The following PALD1 variants were observed in gnomAD, a reference collection of about 807,000 sequenced individuals.
PALD1 encodes phosphatase domain containing paladin 1.
PALD1 carries 57 observed loss-of-function variants against 96.0 expected under a neutral mutation model. The ratio of observed to expected loss-of-function variants is 0.59; its 90% CI spans 0.48 to 0.74. The LOEUF (loss-of-function observed/expected upper bound fraction) is 0.74, where lower values mean the gene tolerates loss of function less well. PALD1 is among the 30% of genes least tolerant of loss of function. The pLI is 0.00. For missense variants in PALD1, 1,063 were observed against 1,143.7 expected, an observed-to-expected ratio of 0.93 and a Z score of 1.02; for synonymous variants, 464 against 473.6, an observed-to-expected ratio of 0.98 and a Z score of 0.26.
chr10:70,552,899 C>G (rs1201261939), intron 18 of PALD1, among the ~76,000 whole-genome samples: 1 of 152,132 alleles, frequency 6.6e-6, no homozygotes, highest in Non-Finnish European at 1.5e-5. Flanking sequence ...CCTTTTCCCC[C>G]CTGAAATATA....
chr10:70,509,650 G>A (rs546480449), intron 1 of PALD1, among the ~76,000 whole-genome samples: 31 of 152,346 alleles, frequency 2.0e-4, no homozygotes, highest in African/African-American at 6.5e-4. Flanking sequence ...TGTACTGAAG[G>A]GGGTGAGGGT....
chr10:70,488,235 C>G (rs900204920), intron 1 of PALD1, among the ~76,000 whole-genome samples: 2 of 152,146 alleles, frequency 1.3e-5, no homozygotes, highest in Admixed American at 6.6e-5. Context: ...ATCCTCCCAC[C>G]TCAGCCTTCT....
intron 1 of PALD1, among the ~76,000 whole-genome samples, chr10:70,489,786 G>A (rs1438367937): frequency 6.6e-6 from 1 of 152,112 alleles, no homozygotes; most frequent in East Asian, 1.9e-4. Flanking sequence ...AACCTCAAAA[G>A]ATACCCCAGT....
chr10:70,469,791 C>T, the PALD1 span, among the ~76,000 whole-genome samples: 2 of 151,964 alleles, frequency 1.3e-5, no homozygotes, highest in South Asian at 4.2e-4. Flanking sequence ...TCTTAGAGTC[C>T]GTTTCTTTTT....
intron 1 of PALD1, among the ~76,000 whole-genome samples, chr10:70,505,790 G>A (rs966825377): frequency 6.6e-6 from 1 of 152,064 alleles, no homozygotes; most frequent in East Asian, 1.9e-4. Context: ...GGAGGCTGAG[G>A]TGGGCGGGTC....
At chr10:70,492,300 T>C (rs1589171968) in intron 1 of PALD1, among the ~76,000 whole-genome samples, 1 of 152,280 alleles carries the variant, frequency 6.6e-6, no homozygotes, top group East Asian at 1.9e-4. Flanking sequence ...AATGGGTTTA[T>C]CTGCGTATAA....
At chr10:70,552,338 G>A (rs964651713) in intron 18 of PALD1, among the ~76,000 whole-genome samples, 19 of 152,110 alleles carry the variant, frequency 1.2e-4, no homozygotes, top group South Asian at 2.1e-4. Context: ...CTTTCCTGTC[G>A]TCTTCTGGGA....
chr10:70,533,813 C>T (rs1269494902), intron 7 of PALD1, 109 bp from the exon 8 acceptor site: 9 of 1,052,256 alleles, frequency 8.6e-6, no homozygotes, highest in Non-Finnish European at 1.2e-5. Flanking sequence ...GCCCACTTTG[C>T]TGCAGACTGT....
chr10:70,539,220 G>GC lies in PALD1; in HGVS notation c.1703dup (p.Val569CysfsTer4), dbSNP rs1564703695. On this transcript the variant is annotated frameshift_variant, in exon 14 of 20. Coordinates refer to ENST00000263563, the MANE Select transcript of PALD1 (RefSeq NM_014431.3). LOFTEE classifies it high-confidence loss of function. This position sits in a 1 kb window ranked among gnomAD's most constrained non-coding sequence, Gnocchi z 4.5. ...ACACCTACAGCCTGCGGTGGCCTGG[G>GC]CCCCCTGTGGCTCCTGACCAGCTGG... 1 of 1,611,518 alleles carries GC rather than the reference G, an allele frequency of 6.2e-7. No homozygotes were observed. The highest frequency in any genetic ancestry group is 2.2e-5 in the East Asian group (1 of 44,814).
chr10:70,497,788 G>A (rs2132285104), intron 1 of PALD1, among the ~76,000 whole-genome samples: 1 of 152,170 alleles, frequency 6.6e-6, no homozygotes, highest in South Asian at 2.1e-4. Flanking sequence ...TGTTAACCAG[G>A]ATGGTCTTGA....
intron 1 of PALD1, among the ~76,000 whole-genome samples, chr10:70,515,832 G>A (rs1589189860): frequency 6.6e-6 from 1 of 152,278 alleles, no homozygotes; most frequent in East Asian, 1.9e-4. Context: ...CTGGTGTCCT[G>A]CCCAGAGCCC....
intron 8 of PALD1, 89 bp from the exon 9 acceptor site, chr10:70,534,336 C>A: frequency 1.1e-6 from 1 of 893,832 alleles, no homozygotes; most frequent in South Asian, 1.5e-5. Flanking sequence ...TCTGGTGTCC[C>A]CCAGCGGCCA....
intron 1 of PALD1, among the ~76,000 whole-genome samples, chr10:70,525,012 A>T (rs1471841777): frequency 4.0e-5 from 6 of 151,676 alleles, no homozygotes; most frequent in Non-Finnish European, 8.8e-5. Flanking sequence ...TTTATTTTTT[A>T]TTTTTTTGAG....
chr10:70,463,165 G>C, the PALD1 span, among the ~76,000 whole-genome samples: 1 of 152,156 alleles, frequency 6.6e-6, no homozygotes, highest in Non-Finnish European at 1.5e-5. Context: ...AGCACTTTGG[G>C]AGGCCAAGGC....
intron 18 of PALD1, among the ~76,000 whole-genome samples, chr10:70,554,218 C>T (rs1032424401): frequency 1.2e-4 from 18 of 152,146 alleles, no homozygotes; most frequent in South Asian, 8.3e-4. Flanking sequence ...CACCTGAGGT[C>T]GGGAGTTCAA....
At chr10:70,512,725 A>G (rs1846537130) in intron 1 of PALD1, among the ~76,000 whole-genome samples, 1 of 152,208 alleles carries the variant, frequency 6.6e-6, no homozygotes, top group Non-Finnish European at 1.5e-5. Context: ...CCACCCCAGG[A>G]CAGGGTTAGA....
intron 1 of PALD1, among the ~76,000 whole-genome samples, chr10:70,505,925 G>A (rs1216519419): frequency 6.6e-6 from 1 of 152,120 alleles, no homozygotes. Context: ...GGAGGCTGAG[G>A]TGGTGGGAGG....
At chr10:70,548,551 G>A (rs1201672578) in intron 18 of PALD1, among the ~76,000 whole-genome samples, 1 of 152,188 alleles carries the variant, frequency 6.6e-6, no homozygotes, top group Non-Finnish European at 1.5e-5. Context: ...CTGGAACAGA[G>A]GCCGGTGCTG....
At chr10:70,491,141 T>G (rs1315915971) in intron 1 of PALD1, among the ~76,000 whole-genome samples, 1 of 152,150 alleles carries the variant, frequency 6.6e-6, no homozygotes, top group Non-Finnish European at 1.5e-5. Flanking sequence ...GAGACGGGGT[T>G]TCACCATGTT....
Sources: allele counts gnomAD v4.1 joint callset (sites outside exome capture counted in the v4.1 genomes callset), GRCh38; gene constraint gnomAD v4.1.1; non-coding constraint Gnocchi (gnomAD v3.1); transcripts MANE v1.5; gene names NCBI Gene and HGNC (gene_info 2026-07-23, HGNC 2026-07-21).